FBXL5: variants seen among roughly 807,000 people sequenced by gnomAD.
FBXL5 encodes F-box/LRR-repeat protein 5.
FBXL5 carries 26 observed loss-of-function variants against 78.3 expected under a neutral mutation model. The ratio of observed to expected loss-of-function variants is 0.33; its 90% CI spans 0.24 to 0.46. The LOEUF is 0.46. Among genes scored for constraint, FBXL5 ranks in the 20% least tolerant of loss-of-function variants. The probability of loss-of-function intolerance (pLI) is 1.00; values close to 1 mark genes in which losing one functional copy is unlikely to be tolerated. For missense variants in FBXL5, 710 were observed against 829.2 expected, an observed-to-expected ratio of 0.86 and a Z score of 1.77; for synonymous variants, 295 against 282.5, an observed-to-expected ratio of 1.04 and a Z score of -0.45.
At chr4:15,674,870 C>T (rs1408777730) in intron 1 of FBXL5, among the ~76,000 whole-genome samples, 2 of 152,136 alleles carry the variant, frequency 1.3e-5, no homozygotes, top group Admixed American at 6.5e-5. Context: ...AGGATGGTCT[C>T]GATCTCCTGA....
chr4:15,651,632 T>TA (rs1476416199), intron 1 of FBXL5, among the ~76,000 whole-genome samples: 3 of 152,130 alleles, frequency 2.0e-5, no homozygotes, highest in Non-Finnish European at 4.4e-5. Flanking sequence ...ACTCATTTTT[T>TA]AAAAAAGGAT....
chr4:15,606,698 T>A (rs578145462), intron 10 of FBXL5, among the ~76,000 whole-genome samples: 1 of 152,144 alleles, frequency 6.6e-6, no homozygotes, highest in Non-Finnish European at 1.5e-5. Flanking sequence ...TCTTTACATA[T>A]CAACAAGAAC....
intron 9 of FBXL5, among the ~76,000 whole-genome samples, chr4:15,620,787 GCC>G (rs1553848680): frequency 1.3e-5 from 2 of 152,232 alleles, no homozygotes; most frequent in Non-Finnish European, 2.9e-5. Context: ...CACCTGGCCC[GCC>G]CAGGGCGGAA....
At chr4:15,677,960 TC>T (rs1718057811) in intron 1 of FBXL5, among the ~76,000 whole-genome samples, 1 of 152,168 alleles carries the variant, frequency 6.6e-6, no homozygotes, top group Non-Finnish European at 1.5e-5. Context: ...TGTGCTAACT[TC>T]AGGCAATTAG....
chr4:15,637,364 T>C (rs1577460050), intron 4 of FBXL5, among the ~76,000 whole-genome samples: 1 of 152,306 alleles, frequency 6.6e-6, no homozygotes, highest in Admixed American at 6.5e-5. Context: ...ATTTCAGTAA[T>C]AATTTCCAAA....
At chr4:15,648,923 T>A (rs1462902970) in intron 1 of FBXL5, among the ~76,000 whole-genome samples, 1 of 152,178 alleles carries the variant, frequency 6.6e-6, no homozygotes, top group African/African-American at 2.4e-5. Flanking sequence ...TTGATTTTGG[T>A]AATCATTATA....
chr4:15,626,746 T>C, intron 8 of FBXL5, 127 bp downstream of exon 8: 1 of 700,826 alleles, frequency 1.4e-6, no homozygotes, highest in East Asian at 2.8e-5. Context: ...GAGGGTGCTA[T>C]CAAATTATAC....
At chr4:15,650,385 C>G (rs1560238357) in intron 1 of FBXL5, among the ~76,000 whole-genome samples, 1 of 152,138 alleles carries the variant, frequency 6.6e-6, no homozygotes, top group Non-Finnish European at 1.5e-5. Context: ...CCTCTCTTAT[C>G]TGTGATGTAC....
chr4:15,614,338 A>G (rs1016000290), intron 9 of FBXL5, among the ~76,000 whole-genome samples: 1 of 152,186 alleles, frequency 6.6e-6, no homozygotes, highest in Non-Finnish European at 1.5e-5. Flanking sequence ...CAGTGGAGAT[A>G]GGAGGGGAGT....
intron 6 of FBXL5, among the ~76,000 whole-genome samples, chr4:15,628,559 G>C (rs778008987): frequency 6.6e-6 from 1 of 152,062 alleles, no homozygotes; most frequent in African/African-American, 2.4e-5. Context: ...TAATTGTATT[G>C]TATTACCTTT....
At chr4:15,630,633 C>T (rs1713530037) in intron 6 of FBXL5, 33 bp downstream of exon 6, 4 of 1,498,268 alleles carry the variant, frequency 2.7e-6, no homozygotes, top group Admixed American at 2.4e-5. Context: ...TATTAAAACA[C>T]TATGTAATAA....
At chr4:15,649,578 C>CAAAAAA (rs34238482) in intron 1 of FBXL5, among the ~76,000 whole-genome samples, 24 of 81,242 alleles carry the variant, frequency 3.0e-4, no homozygotes, top group Admixed American at 4.4e-4. Flanking sequence ...GACTACGTCT[C>CAAAAAA]AAAAAAAAAA....
chr4:15,655,448 C>G (rs1716796116), upstream of FBXL5: 1 of 953,610 alleles, frequency 1.0e-6, no homozygotes, highest in African/African-American at 1.8e-5. Context: ...GCGCGCAGGC[C>G]GCCGCCATGC....
chr4:15,646,482 T>G (rs1290134815), intron 1 of FBXL5, among the ~76,000 whole-genome samples: 1 of 150,392 alleles, frequency 6.6e-6, no homozygotes, highest in African/African-American at 2.4e-5. Flanking sequence ...AAAGGCAAAC[T>G]TAAAAATAGC....
At chr4:15,629,442 C>T (rs1377461070) in intron 6 of FBXL5, among the ~76,000 whole-genome samples, 1 of 152,114 alleles carries the variant, frequency 6.6e-6, no homozygotes, top group Non-Finnish European at 1.5e-5. Flanking sequence ...CAATTTAAAA[C>T]TGCAATTTTA....
In FBXL5 at chr4:15,625,609, T is replaced by C. The variant is rs542485336; in HGVS notation, c.1493A>G (p.His498Arg). The C allele has an allele frequency of 4.3e-6, 7 of 1,614,222 alleles. No homozygotes were observed. The highest frequency in any genetic ancestry group is 1.1e-5 in the South Asian group (1 of 91,082). Reference sequence around the variant, plus strand: ...TACACAAAGACTTTCAACATTTCTATGTCTCCATTCCACAGTATCTTCAAT... The same window carrying C: ...TACACAAAGACTTTCAACATTTCTACGTCTCCATTCCACAGTATCTTCAAT... The part of the protein sequence containing the change: ...ADIEDTVEWR[H>R]RNVESLCVME... Residue 498 changes from histidine (H) to arginine (R), a missense_variant, in exon 9 of 11, where the codon CAT (histidine) becomes CGT (arginine). This residue lies in a region of FBXL5 where 517 missense variants were observed against 542.9 expected (regional missense o/e 0.95). Transcript: ENST00000341285.
At position 15,655,249 on chromosome 4, in the gene FBXL5, G is replaced by A; in HGVS notation, c.39C>T (p.Ala13=). 2.1e-6 allele frequency: 3 copies of A among 1,444,780 alleles called. No individual in the cohort carries two copies. Among genetic ancestry groups the A allele is most frequent in the Non-Finnish European group, 1.9e-6 (2 of 1,080,020 alleles). 89.5% of individuals were successfully genotyped at this position (1,444,780 alleles called of 1,614,324 possible). A position where few individuals can be genotyped will look rare whatever the true frequency, so the allele number is the denominator to read the frequency against. ...PFPEEVDVFT[A]PHWRMKQLVG... Reference sequence around the variant, plus strand: ...CCAGCTGCTTCATCCGCCAGTGTGGGGCGGTGAAGACGTCCACTTCTTCAG... The same window carrying A: ...CCAGCTGCTTCATCCGCCAGTGTGGAGCGGTGAAGACGTCCACTTCTTCAG... The change falls in exon 1 of 11, where the codon GCC becomes GCT. Residue 13 remains alanine (A), a synonymous_variant. Coordinates refer to ENST00000341285, the MANE Select transcript of FBXL5 (RefSeq NM_012161.4).
intron 1 of FBXL5, among the ~76,000 whole-genome samples, chr4:15,645,021 A>G (rs1047834914): frequency 6.6e-6 from 1 of 152,180 alleles, no homozygotes; most frequent in Non-Finnish European, 1.5e-5. Flanking sequence ...TCATTACTCT[A>G]TATGTATGCT....
chr4:15,640,989 AT>A (rs1577465431), intron 2 of FBXL5, 106 bp from the exon 3 acceptor site: 1 of 547,684 alleles, frequency 1.8e-6, no homozygotes, highest in African/African-American at 2.1e-5. Context: ...GGAAAAAAAA[AT>A]AGACAAATTG....
Sources: gnomAD v4.1 joint callset for allele counts (sites outside exome capture counted in the v4.1 genomes callset) on GRCh38, gnomAD v4.1.1 for gene constraint, gnomAD v4.1.1 regional missense constraint, MANE v1.5 for transcripts, NCBI Gene and HGNC (gene_info 2026-07-23, HGNC 2026-07-21) for gene names.